SCAI: variants seen among roughly 807,000 people sequenced by gnomAD.
SCAI encodes suppressor of cancer cell invasion.
SCAI carries 24 observed loss-of-function variants against 92.2 expected under a neutral mutation model. The ratio of observed to expected loss-of-function variants is 0.26; its 90% CI spans 0.19 to 0.37. SCAI has a LOEUF of 0.37. Among genes scored for constraint, SCAI ranks in the 10% least tolerant of loss-of-function variants. The probability of loss-of-function intolerance (pLI) is 1.00; values close to 1 mark genes in which losing one functional copy is unlikely to be tolerated. For missense variants in SCAI, 450 were observed against 736.2 expected, an observed-to-expected ratio of 0.61 and a Z score of 4.50; for synonymous variants, 261 against 258.6, an observed-to-expected ratio of 1.01 and a Z score of -0.09.
chr9:125,069,786 C>A (rs575623970), intron 2 of SCAI, among the ~76,000 whole-genome samples: 3 of 151,712 alleles, frequency 2.0e-5, no homozygotes, highest in Non-Finnish European at 4.4e-5. Flanking sequence ...CCACACCTGG[C>A]TGATTTTTGT....
intron 2 of SCAI, among the ~76,000 whole-genome samples, chr9:125,127,729 C>T (rs1228650876): frequency 1.3e-5 from 2 of 152,024 alleles, no homozygotes; most frequent in Non-Finnish European, 2.9e-5. Context: ...TTTTTCCGGC[C>T]GAACGAGGTG....
chr9:124,970,081 T>C (rs1179743610), intron 17 of SCAI, among the ~76,000 whole-genome samples: 1 of 152,110 alleles, frequency 6.6e-6, no homozygotes, highest in East Asian at 1.9e-4. Flanking sequence ...CTTGAACTCC[T>C]GAGCTTGTGA....
intron 2 of SCAI, among the ~76,000 whole-genome samples, chr9:125,122,847 A>G (rs1368859638): frequency 1.3e-5 from 2 of 152,170 alleles, no homozygotes; most frequent in Admixed American, 6.5e-5. Context: ...TCAAGGCTGC[A>G]GTGAGCCAAG....
rs931468670 is a variant in SCAI at position 124,976,260 on chromosome 9, A to G, written c.1327-74T>C. The G allele has an allele frequency of 2.0e-5, 22 of 1,081,900 alleles. No homozygotes were observed. In the African/African-American group the frequency reaches 3.4e-4, roughly 17 times the overall value. 67.0% of individuals were successfully genotyped at this position (1,081,900 alleles called of 1,614,324 possible). A position where few individuals can be genotyped will look rare whatever the true frequency, so the allele number is the denominator to read the frequency against. On this transcript the variant is annotated intron_variant, in intron 14 of 17. Transcript: ENST00000336505. ...TAGTTACTTAGTAATTTTCCAAAGC[A>G]TATTTTTAGTGTATAGATTGGGCCC... is the stretch of plus-strand genomic sequence containing the variant.
At chr9:124,974,813 T>C (rs1049481792) in intron 15 of SCAI, among the ~76,000 whole-genome samples, 1 of 152,192 alleles carries the variant, frequency 6.6e-6, no homozygotes. Context: ...TTCTATGAGG[T>C]AGATACTATT....
chr9:125,070,410 T>C (rs112314473), intron 2 of SCAI, among the ~76,000 whole-genome samples: 1 of 150,658 alleles, frequency 6.6e-6, no homozygotes, highest in Non-Finnish European at 1.5e-5. Context: ...TTTTTTTTTT[T>C]TTTTTTTGAG....
intron 2 of SCAI, among the ~76,000 whole-genome samples, chr9:125,059,648 T>C (rs1346498764): frequency 6.6e-6 from 1 of 152,226 alleles, no homozygotes; most frequent in Non-Finnish European, 1.5e-5. Flanking sequence ...TCCCTGAATG[T>C]ATGAGGGGAC....
At chr9:125,055,840 C>A (rs772869688) in intron 3 of SCAI, 36 bp downstream of exon 3, 1 of 1,548,796 alleles carries the variant, frequency 6.5e-7, no homozygotes, top group Non-Finnish European at 8.7e-7. Flanking sequence ...AAATGCAGAA[C>A]TAAAGAAAAG....
intron 3 of SCAI, among the ~76,000 whole-genome samples, chr9:125,044,343 C>T (rs756565585): frequency 6.6e-6 from 1 of 152,144 alleles, no homozygotes; most frequent in African/African-American, 2.4e-5. Flanking sequence ...TAACCCCAGA[C>T]AGCCAGACTC....
At chr9:125,007,194 T>C (rs1832528973) in intron 9 of SCAI, among the ~76,000 whole-genome samples, 1 of 152,130 alleles carries the variant, frequency 6.6e-6, no homozygotes, top group South Asian at 2.1e-4. Context: ...AGATATATAG[T>C]AATTATAAAT....
chr9:124,957,050 G>C (rs1831327223), intron 17 of SCAI, among the ~76,000 whole-genome samples: 1 of 150,278 alleles, frequency 6.7e-6, no homozygotes, highest in Admixed American at 6.6e-5. Context: ...GGAGAGCAGT[G>C]GCATGATCAT....
At chr9:124,959,549 T>C (rs1224711764) in intron 17 of SCAI, among the ~76,000 whole-genome samples, 2 of 148,226 alleles carry the variant, frequency 1.3e-5, no homozygotes, top group Non-Finnish European at 3.0e-5. Context: ...TATATATATA[T>C]ATAAAATACT....
intron 2 of SCAI, among the ~76,000 whole-genome samples, chr9:125,133,392 A>G (rs1564134871): frequency 2.0e-5 from 3 of 152,370 alleles, no homozygotes; most frequent in South Asian, 4.1e-4. Context: ...TCGTCTCAAA[A>G]ACAAAAAAAA....
chr9:125,015,399 A>C (rs890779966), intron 9 of SCAI, among the ~76,000 whole-genome samples: 3 of 152,226 alleles, frequency 2.0e-5, no homozygotes, highest in Non-Finnish European at 2.9e-5. Flanking sequence ...TCTCAAAAGA[A>C]GACATTTATG....
chr9:125,071,156 A>C (rs756324178), intron 2 of SCAI, among the ~76,000 whole-genome samples: 2 of 152,082 alleles, frequency 1.3e-5, no homozygotes, highest in Non-Finnish European at 2.9e-5. Flanking sequence ...TTTCCTTTAT[A>C]TCACCCAGTC....
At chr9:125,105,409 C>A (rs1423545844) in intron 2 of SCAI, among the ~76,000 whole-genome samples, 1 of 152,246 alleles carries the variant, frequency 6.6e-6, no homozygotes, top group Non-Finnish European at 1.5e-5. Context: ...ACTGGGCAAA[C>A]TATCTGTATT....
chr9:124,965,655 G>A (rs1171968847), intron 17 of SCAI, among the ~76,000 whole-genome samples: 2 of 152,190 alleles, frequency 1.3e-5, no homozygotes, highest in Non-Finnish European at 2.9e-5. Flanking sequence ...TACAGTGATG[G>A]CTTCACAAAT....
chr9:125,009,708 G>C (rs1227382262), intron 9 of SCAI, among the ~76,000 whole-genome samples: 1 of 151,338 alleles, frequency 6.6e-6, no homozygotes, highest in African/African-American at 2.4e-5. Flanking sequence ...GGCCAACATG[G>C]CGAAACCCTG....
At chr9:125,138,568 C>A (rs1464904352) in intron 2 of SCAI, among the ~76,000 whole-genome samples, 4 of 152,146 alleles carry the variant, frequency 2.6e-5, no homozygotes, top group African/African-American at 9.7e-5. Flanking sequence ...GCACCTGCCA[C>A]CACGTCCAGC....
Sources: gnomAD v4.1 joint callset for allele counts (sites outside exome capture counted in the v4.1 genomes callset) on GRCh38, gnomAD v4.1.1 for gene constraint, MANE v1.5 for transcripts, NCBI Gene and HGNC (gene_info 2026-07-23, HGNC 2026-07-21) for gene names.